Variants in NAA16 observed in about 807,000 individuals in gnomAD.
NAA16 encodes NARG1-like protein.
NAA16 carries 97 observed loss-of-function variants against 110.3 expected under a neutral mutation model. The observed-to-expected ratio is 0.88, with a 90% CI of 0.75 to 1.04. The LOEUF is 1.04. Ranked by LOEUF, NAA16 falls within the 50% of genes least tolerant of loss-of-function variation. NAA16 has a pLI of 0.00. For missense variants in NAA16, 1,017 were observed against 1,005.1 expected, an observed-to-expected ratio of 1.01 and a Z score of -0.16; for synonymous variants, 372 against 330.6, an observed-to-expected ratio of 1.13 and a Z score of -1.36.
rs2042703982 is a variant in NAA16 at position 41,347,179 on chromosome 13, A to G, written c.1015-7965A>G. Among the ~76,000 whole-genome samples, 3 of 149,770 alleles carry G rather than the reference A, an allele frequency of 2.0e-5. No homozygotes were observed. The Admixed American group carries it at 2.0e-4, about 10-fold the overall frequency. On this transcript the variant is annotated intron_variant, in intron 9 of 19. Transcript: ENST00000379406. ...TGCAGTGAGCCGAGATTGAGCCACTACACTCCAGCGTGGCGACAGAGCGAG... is the reference window on the plus strand; with the variant it reads ...TGCAGTGAGCCGAGATTGAGCCACTGCACTCCAGCGTGGCGACAGAGCGAG...
intron 9 of NAA16, among the ~76,000 whole-genome samples, chr13:41,338,256 T>C (rs1363213463): frequency 1.3e-5 from 2 of 152,228 alleles, no homozygotes; most frequent in Non-Finnish European, 2.9e-5. Context: ...AGCTACTGAC[T>C]ACAGTGGACA....
At chr13:41,324,466 A>G (rs1372435844) in intron 5 of NAA16, among the ~76,000 whole-genome samples, 1 of 133,934 alleles carries the variant, frequency 7.5e-6, no homozygotes, top group African/African-American at 2.8e-5. Flanking sequence ...ACCTCCGCCT[A>G]CCAGGTTCAA....
rs762040265 is a variant in NAA16 at position 41,358,432 on chromosome 13, A to C, written c.1216A>C (p.Thr406Pro). ...TAATGCTGCAATTGCTAGTACTCCA[A>C]CTCTAATAGAATTATTCTATATGAA... is the stretch of plus-strand genomic sequence containing the variant. ...YINAAIASTPTLIELFYMKAK... is the reference protein window; with the variant it reads ...YINAAIASTPPLIELFYMKAK... Residue 406 changes from threonine to proline, a missense_variant, in exon 11 of 20, where the codon ACT (threonine) becomes CCT (proline). Physicochemically the swap from Thr to Pro is conservative, Grantham distance 38 (BLOSUM62 -1). Coordinates refer to ENST00000379406, the MANE Select transcript of NAA16 (RefSeq NM_024561.5). 2 of 1,613,132 alleles carry C rather than the reference A, an allele frequency of 1.2e-6. No individual in the cohort carries two copies. The highest frequency in any genetic ancestry group is 1.7e-5 in the Admixed American group (1 of 59,982).
intron 12 of NAA16, 101 bp from the exon 13 acceptor site, chr13:41,361,930 T>G: frequency 7.8e-7 from 1 of 1,274,598 alleles, no homozygotes; most frequent in Non-Finnish European, 1.1e-6. Context: ...TAATTGCTGC[T>G]ATTGTCATAA....
At chr13:41,348,477 CT>C (rs1200764133) in intron 9 of NAA16, among the ~76,000 whole-genome samples, 3 of 152,128 alleles carry the variant, frequency 2.0e-5, no homozygotes, top group Non-Finnish European at 4.4e-5. Flanking sequence ...TTAAACCAGT[CT>C]TGCATTGCTG....
chr13:41,335,987 G>T (rs2042371273), intron 8 of NAA16, among the ~76,000 whole-genome samples: 1 of 151,778 alleles, frequency 6.6e-6, no homozygotes, highest in South Asian at 2.1e-4. Flanking sequence ...CTTTCAAAAG[G>T]TGATGACAAA....
chr13:41,318,714 A>G (rs2041870727), intron 2 of NAA16, 92 bp from the exon 3 acceptor site: 2 of 505,102 alleles, frequency 4.0e-6, no homozygotes, highest in Non-Finnish European at 6.4e-6. Flanking sequence ...AGCCATAGTA[A>G]TCCTTCAGAT....
chr13:41,320,906 A>G (rs1367568287), intron 4 of NAA16, 82 bp downstream of exon 4: 2 of 1,251,308 alleles, frequency 1.6e-6, no homozygotes, highest in African/African-American at 3.0e-5. Context: ...AGGTGAGCAT[A>G]AGCCAAAATC....
At chr13:41,332,427 A>C (rs1478314437) in intron 8 of NAA16, among the ~76,000 whole-genome samples, 6 of 152,198 alleles carry the variant, frequency 3.9e-5, no homozygotes, top group African/African-American at 1.4e-4. Flanking sequence ...TTTATTGTAC[A>C]ATAGTATATT....
At chr13:41,329,638 T>G (rs1203278828) in intron 7 of NAA16, among the ~76,000 whole-genome samples, 2 of 151,760 alleles carry the variant, frequency 1.3e-5, no homozygotes, top group African/African-American at 2.4e-5. Context: ...TTAATTCTGG[T>G]GTTCTTTTTA....
At chr13:41,371,020 A>G (rs1271384040) in intron 15 of NAA16, among the ~76,000 whole-genome samples, 1 of 152,098 alleles carries the variant, frequency 6.6e-6, no homozygotes, top group African/African-American at 2.4e-5. Context: ...GACAGAGCCA[A>G]TCAAGGAAAT....
chr13:41,320,419 TAGAG>T (rs1401807353), intron 3 of NAA16, among the ~76,000 whole-genome samples: 1 of 152,072 alleles, frequency 6.6e-6, no homozygotes, highest in Admixed American at 6.6e-5. Context: ...TGTACACAAG[TAGAG>T]AGAACAGAAT....
intron 9 of NAA16, among the ~76,000 whole-genome samples, chr13:41,345,931 A>G (rs2042669988): frequency 6.6e-6 from 1 of 152,210 alleles, no homozygotes; most frequent in Non-Finnish European, 1.5e-5. Flanking sequence ...TTATGTGAAA[A>G]TATTTTCTGT....
chr13:41,313,657 A>G (rs1176894700), intron 1 of NAA16, among the ~76,000 whole-genome samples: 1 of 152,182 alleles, frequency 6.6e-6, no homozygotes, highest in African/African-American at 2.4e-5. Context: ...TTGTATCTGC[A>G]TGTCTTATTC....
At chr13:41,374,485 T>G in intron 18 of NAA16, 1 of 265,302 alleles carries the variant, frequency 3.8e-6, no homozygotes. Flanking sequence ...ATAACCATCA[T>G]TTTGTGAAGG....
chr13:41,319,131 G>A (rs1386962896), intron 3 of NAA16, among the ~76,000 whole-genome samples: 3 of 151,842 alleles, frequency 2.0e-5, no homozygotes, highest in Non-Finnish European at 2.9e-5. Flanking sequence ...TCCCTACCCC[G>A]TGTTTATTTA....
Position 41,318,845 on chromosome 13 carries a change from G to GA in NAA16, c.186dup (p.Glu63ArgfsTer5). 1 of 1,601,912 alleles carries GA rather than the reference G, an allele frequency of 6.2e-7. No homozygotes were observed. The highest frequency in any genetic ancestry group is 2.2e-5 in the East Asian group (1 of 44,482). ...AAAGGATTAACACTGAACTGTTTAG[G>GA]AAAAAAAGAAGAAGCTTATGAGTTT... On this transcript the variant is annotated frameshift_variant, in exon 3 of 20. Coordinates refer to ENST00000379406, the MANE Select transcript of NAA16 (RefSeq NM_024561.5). LOFTEE classifies it high-confidence loss of function.
At chr13:41,362,914 T>C in intron 13 of NAA16, 1 of 1,130,958 alleles carries the variant, frequency 8.8e-7, no homozygotes, top group Non-Finnish European at 1.1e-6. Flanking sequence ...CTTTGGCCTT[T>C]TTCCCACGTG....
intron 5 of NAA16, among the ~76,000 whole-genome samples, chr13:41,324,242 C>T (rs2042025242): frequency 6.6e-6 from 1 of 151,724 alleles, no homozygotes; most frequent in African/African-American, 2.4e-5. Context: ...ATCCAAGAAT[C>T]AAGTTCTGAC....
Sources: gnomAD v4.1 joint callset for allele counts (sites outside exome capture counted in the v4.1 genomes callset) on GRCh38, gnomAD v4.1.1 for gene constraint, MANE v1.5 for transcripts, NCBI Gene and HGNC (gene_info 2026-07-23, HGNC 2026-07-21) for gene names.